HS6ST3: variants seen among roughly 807,000 people sequenced by gnomAD.
The protein encoded by HS6ST3 is heparan sulfate 6-O-sulfotransferase 3.
Under a neutral mutation model 36.7 loss-of-function variants are expected in HS6ST3, and 12 were observed. The ratio of observed to expected loss-of-function variants is 0.33; its 90% CI spans 0.21 to 0.53. The LOEUF (loss-of-function observed/expected upper bound fraction) is 0.53, where lower values mean the gene tolerates loss of function less well. HS6ST3 is among the 20% of genes least tolerant of loss of function. The probability of loss-of-function intolerance (pLI) is 0.95; values close to 1 mark genes in which losing one functional copy is unlikely to be tolerated. For synonymous variants in HS6ST3, 240 were observed against 257.5 expected (o/e 0.93, Z 0.65); for missense variants, 584 against 640.9 (o/e 0.91, Z 0.96).
chr13:96,576,412 T>C (rs1204253005), intron 1 of HS6ST3, among the ~76,000 whole-genome samples: 1 of 152,196 alleles, frequency 6.6e-6, no homozygotes, highest in Non-Finnish European at 1.5e-5. Flanking sequence ...TTAGGTGTCA[T>C]GGATTGATGT....
intron 1 of HS6ST3, among the ~76,000 whole-genome samples, chr13:96,681,950 T>C (rs2056720072): frequency 6.6e-6 from 1 of 152,138 alleles, no homozygotes; most frequent in Admixed American, 6.6e-5. Context: ...GCAAAGTCTG[T>C]GCTGACTACC....
At chr13:96,662,939 G>A (rs1019211820) in intron 1 of HS6ST3, among the ~76,000 whole-genome samples, 1 of 152,134 alleles carries the variant, frequency 6.6e-6, no homozygotes, top group Admixed American at 6.5e-5. Context: ...AGATGGGTGT[G>A]TGCTTGATTT....
chr13:96,578,232 C>T (rs996121531), intron 1 of HS6ST3, among the ~76,000 whole-genome samples: 1 of 152,194 alleles, frequency 6.6e-6, no homozygotes, highest in African/African-American at 2.4e-5. Flanking sequence ...GAGGAATGAG[C>T]ACTGTCAGTA....
intron 1 of HS6ST3, among the ~76,000 whole-genome samples, chr13:96,206,811 A>C (rs1435107494): frequency 2.0e-5 from 3 of 152,220 alleles, no homozygotes; most frequent in Admixed American, 2.0e-4. Flanking sequence ...AATTAATGTA[A>C]GATGGATTAA....
chr13:96,495,755 G>A (rs559028522), intron 1 of HS6ST3, among the ~76,000 whole-genome samples: 4 of 152,232 alleles, frequency 2.6e-5, no homozygotes, highest in African/African-American at 7.2e-5. Flanking sequence ...CCAACTCTCA[G>A]TATTTTTGAA....
intron 1 of HS6ST3, among the ~76,000 whole-genome samples, chr13:96,112,287 C>T (rs2053872000): frequency 6.6e-6 from 1 of 151,824 alleles, no homozygotes; most frequent in Non-Finnish European, 1.5e-5. Flanking sequence ...ACCTGCATCC[C>T]AGATGAATTT....
At chr13:96,225,525 G>C (rs2054476195) in intron 1 of HS6ST3, among the ~76,000 whole-genome samples, 1 of 152,190 alleles carries the variant, frequency 6.6e-6, no homozygotes, top group Non-Finnish European at 1.5e-5. Context: ...TGAATATGCA[G>C]CTCTTTATTT....
intron 1 of HS6ST3, among the ~76,000 whole-genome samples, chr13:96,549,958 C>A (rs922334721): frequency 7.2e-5 from 11 of 152,158 alleles, no homozygotes; most frequent in Admixed American, 5.9e-4. Flanking sequence ...TTTGTCATCT[C>A]CCTTGTCACA....
chr13:96,238,532 G>A (rs762891109), intron 1 of HS6ST3, among the ~76,000 whole-genome samples: 4 of 152,188 alleles, frequency 2.6e-5, no homozygotes, highest in Non-Finnish European at 5.9e-5. Context: ...TAGATTAAAT[G>A]CAGTTAATTC....
intron 1 of HS6ST3, among the ~76,000 whole-genome samples, chr13:96,132,603 A>G (rs1190252023): frequency 6.6e-6 from 1 of 151,980 alleles, no homozygotes; most frequent in African/African-American, 2.4e-5. Context: ...ATGGGGTCCC[A>G]CTATGTTGCC....
chr13:96,803,414 A>G (rs1412813946), intron 1 of HS6ST3, among the ~76,000 whole-genome samples: 2 of 152,166 alleles, frequency 1.3e-5, no homozygotes, highest in Non-Finnish European at 2.9e-5. Flanking sequence ...CTAGAGCAAC[A>G]TTTGCAGCTA....
intron 1 of HS6ST3, among the ~76,000 whole-genome samples, chr13:96,354,834 T>C (rs924816433): frequency 6.6e-6 from 1 of 152,192 alleles, no homozygotes; most frequent in Admixed American, 6.5e-5. Context: ...CTATCAAATA[T>C]AGAACCATAC....
rs1161762263 is a variant in HS6ST3 at position 96,834,955 on chromosome 13, G to A, written c.*1757G>A. 2 of 152,482 alleles carry A rather than the reference G, an allele frequency of 1.3e-5. No homozygotes were observed. The highest frequency in any genetic ancestry group is 2.1e-4 in the South Asian group (1 of 4,812). 9.4% of individuals were successfully genotyped at this position (152,482 alleles called of 1,614,324 possible). On this transcript the variant is annotated 3_prime_UTR_variant, in exon 2 of 2. Transcript: ENST00000376705. ...GGCTCCCTTGCTCCAGGAACTGAAC[G>A]AGGCCCTTTTCATACCTTAAATATA...
intron 1 of HS6ST3, among the ~76,000 whole-genome samples, chr13:96,406,083 T>C (rs503466): frequency 0.48 from 73,295 of 152,034 alleles, 18,059 homozygotes; most frequent in Middle Eastern, 0.59. Flanking sequence ...GGTACCACAA[T>C]TGTTTAAGGA....
chr13:96,387,865 T>C (rs530516630), intron 1 of HS6ST3, among the ~76,000 whole-genome samples: 1 of 152,360 alleles, frequency 6.6e-6, no homozygotes, highest in Admixed American at 6.5e-5. Flanking sequence ...TTTCTGCTAC[T>C]TTGTGCTTCA....
At chr13:96,145,197 T>C (rs1261580690) in intron 1 of HS6ST3, among the ~76,000 whole-genome samples, 1 of 149,892 alleles carries the variant, frequency 6.7e-6, no homozygotes, top group Non-Finnish European at 1.5e-5. Context: ...TCAAATGGTA[T>C]TTCTAGTTCT....
intron 1 of HS6ST3, among the ~76,000 whole-genome samples, chr13:96,565,889 C>T (rs1307828906): frequency 6.6e-6 from 1 of 151,990 alleles, no homozygotes; most frequent in African/African-American, 2.4e-5. Context: ...AGAAGAGCAT[C>T]CTCCATGAAA....
intron 1 of HS6ST3, among the ~76,000 whole-genome samples, chr13:96,589,653 T>A (rs1325013283): frequency 6.6e-6 from 1 of 152,136 alleles, no homozygotes; most frequent in Non-Finnish European, 1.5e-5. Context: ...TTGATATGGG[T>A]GTGTATTGCT....
intron 1 of HS6ST3, among the ~76,000 whole-genome samples, chr13:96,576,286 C>A (rs1051374899): frequency 1.3e-5 from 2 of 152,134 alleles, no homozygotes; most frequent in African/African-American, 4.8e-5. Flanking sequence ...TACTGGGTTC[C>A]CGCAGCCTGC....
Sources: allele counts gnomAD v4.1 joint callset (sites outside exome capture counted in the v4.1 genomes callset), GRCh38; gene constraint gnomAD v4.1.1; transcripts MANE v1.5; gene names NCBI Gene and HGNC (gene_info 2026-07-23, HGNC 2026-07-21).